Variants in USP8 observed in about 807,000 individuals in gnomAD.
The protein encoded by USP8 is ubiquitin specific peptidase 8, also known as ubiquitin carboxyl-terminal hydrolase 8.
Under a neutral mutation model 130.0 loss-of-function variants are expected in USP8, and 27 were observed. The ratio of observed to expected loss-of-function variants is 0.21; its 90% CI spans 0.15 to 0.29. The LOEUF (loss-of-function observed/expected upper bound fraction) is 0.29, where lower values mean the gene tolerates loss of function less well. USP8 is among the 10% of genes least tolerant of loss of function. USP8 has a pLI of 1.00. For synonymous variants in USP8, 392 were observed against 444.1 expected (o/e 0.88, Z 1.48); for missense variants, 1,029 against 1,312.2 (o/e 0.78, Z 3.33).
rs1045915796 is a variant in USP8 at position 50,506,469 on chromosome 15, G to A, written c.*7381G>A. 6.6e-6 allele frequency: 1 copy of A among 151,968 alleles called. No individual in the cohort carries two copies. The highest frequency in any genetic ancestry group is 6.6e-5 in the Admixed American group (1 of 15,252). The allele number at this position is 151,968 out of a possible 1,614,324, so 9.4% of individuals were successfully genotyped here. A position where few individuals can be genotyped will look rare whatever the true frequency, so the allele number is the denominator to read the frequency against. The stretch of plus-strand genomic sequence containing the variant: ...CATGCCCGCCCCGGCCCCCATCCAT[G>A]GGAAAAAAACCGCATCAGTGGAAAA... On this transcript the variant is annotated 3_prime_UTR_variant, in exon 20 of 20. Coordinates refer to ENST00000307179, the MANE Select transcript of USP8 (RefSeq NM_005154.5).
chr15:50,457,414 TG>T (rs2050825938), intron 4 of USP8, among the ~76,000 whole-genome samples: 1 of 150,598 alleles, frequency 6.6e-6, no homozygotes, highest in Non-Finnish European at 1.5e-5. Flanking sequence ...AAAAATTAGG[TG>T]GGTATGGTGG....
intron 9 of USP8, 96 bp downstream of exon 9, chr15:50,477,089 C>T: frequency 6.7e-7 from 1 of 1,490,970 alleles, no homozygotes. Context: ...TGTATTTGTC[C>T]TATTAGAGAG....
At position 50,505,459 on chromosome 15, in the gene USP8, C is replaced by CA. The variant is rs2052645895; in HGVS notation, c.*6374dup. 6.6e-6 allele frequency: 1 copy of CA among 152,146 alleles called. No homozygotes were observed. The highest frequency in any genetic ancestry group is 6.6e-5 in the Admixed American group (1 of 15,264). 9.4% of individuals were successfully genotyped at this position (152,146 alleles called of 1,614,324 possible). A position where few individuals can be genotyped will look rare whatever the true frequency, so the allele number is the denominator to read the frequency against. On this transcript the variant is annotated 3_prime_UTR_variant, in exon 20 of 20. Transcript: ENST00000307179. ...GAATGAAAGTGAATTAAAGACTTCT[C>CA]AAAGACTGAGAGACTTCAGGATAAC... is the stretch of plus-strand genomic sequence containing the variant.
intron 5 of USP8, among the ~76,000 whole-genome samples, chr15:50,459,492 G>A (rs1322603864): frequency 6.6e-6 from 1 of 152,064 alleles, no homozygotes; most frequent in Non-Finnish European, 1.5e-5. Flanking sequence ...GCTAAAGTAG[G>A]AGAATTGCTT....
intron 1 of USP8, 122 bp downstream of exon 1, chr15:50,424,636 A>C (rs1014820051): frequency 2.5e-6 from 1 of 396,656 alleles, no homozygotes; most frequent in South Asian, 1.4e-4. Flanking sequence ...CGCGGAGAGG[A>C]GTGGGACAAC....
intron 1 of USP8, among the ~76,000 whole-genome samples, chr15:50,424,950 T>C (rs1220679377): frequency 6.6e-6 from 1 of 151,942 alleles, no homozygotes; most frequent in Non-Finnish European, 1.5e-5. Context: ...TTAAAGACCC[T>C]ATAAGCTTGT....
intron 12 of USP8, among the ~76,000 whole-genome samples, chr15:50,486,828 T>C (rs1288182191): frequency 6.6e-6 from 1 of 152,034 alleles, no homozygotes; most frequent in African/African-American, 2.4e-5. Context: ...ATCTCACAAA[T>C]CACCACTAAA....
intron 4 of USP8, among the ~76,000 whole-genome samples, chr15:50,450,452 G>A (rs895964780): frequency 1.9e-4 from 25 of 134,906 alleles, no homozygotes; most frequent in African/African-American, 6.2e-4. Context: ...GTTTTTAGTC[G>A]TTAGTCATTC....
rs193201770 is a variant in USP8 at position 50,503,957 on chromosome 15, A to G, written c.*4869A>G. 1.3e-5 allele frequency: 2 copies of G among 152,350 alleles called. No homozygotes were observed. The highest frequency in any genetic ancestry group is 1.9e-4 in the East Asian group (1 of 5,186). 9.4% of individuals were successfully genotyped at this position (152,350 alleles called of 1,614,324 possible). On this transcript the variant is annotated 3_prime_UTR_variant, in exon 20 of 20. Coordinates refer to ENST00000307179, the MANE Select transcript of USP8 (RefSeq NM_005154.5). ...GGCTACAAATAAAGTATATTTAAAT[A>G]TATTTAGAAGAAGGAAACAAACTTT...
chr15:50,498,562 T>C, intron 18 of USP8, 34 bp from the exon 19 acceptor site: 2 of 1,570,938 alleles, frequency 1.3e-6, no homozygotes, highest in Admixed American at 1.8e-5. Context: ...GGTATCTTCC[T>C]CTGTCAGTGT....
intron 4 of USP8, 137 bp from the exon 5 acceptor site, chr15:50,458,863 G>A (rs1027417738): frequency 3.4e-5 from 34 of 987,784 alleles, no homozygotes; most frequent in Non-Finnish European, 4.8e-5. Flanking sequence ...TGGCAGATGT[G>A]TGAATTGTGG....
At chr15:50,472,336 C>CTGT (rs973256242) in intron 8 of USP8, among the ~76,000 whole-genome samples, 1 of 151,888 alleles carries the variant, frequency 6.6e-6, no homozygotes, top group Non-Finnish European at 1.5e-5. Context: ...TGGCTCAAGC[C>CTGT]TGTAACCCCA....
chr15:50,459,284 A>C (rs896290258), intron 5 of USP8, 122 bp downstream of exon 5: 2 of 1,338,446 alleles, frequency 1.5e-6, no homozygotes, highest in Non-Finnish European at 2.0e-6. Flanking sequence ...TTAATGTTTT[A>C]ATTAGAAATT....
Position 50,495,865 on chromosome 15 carries a change from A to G in USP8, c.2676A>G (p.Arg892=). Residue 892 remains arginine (R), a synonymous_variant, in exon 17 of 20, where the codon AGA becomes AGG. Coordinates refer to ENST00000307179, the MANE Select transcript of USP8 (RefSeq NM_005154.5). Reference sequence around the variant, plus strand: ...ATTTCCAGGCTGATAATCGGAAGAGATATAAAGAAGAAAATAATGATCATC... The same window carrying G: ...ATTTCCAGGCTGATAATCGGAAGAGGTATAAAGAAGAAAATAATGATCATC... ...EDLNKADNRK[R]YKEENNDHLD... 6.2e-7 allele frequency: 1 copy of G among 1,613,286 alleles called. No homozygotes were observed. The highest frequency in any genetic ancestry group is 8.5e-7 in the Non-Finnish European group (1 of 1,179,474).
At chr15:50,439,468 T>C (rs1192863593) in intron 2 of USP8, among the ~76,000 whole-genome samples, 3 of 152,132 alleles carry the variant, frequency 2.0e-5, no homozygotes, top group African/African-American at 7.2e-5. Context: ...CCAGAAGTCA[T>C]TGTCTTTTCA....
At chr15:50,478,527 A>AT (rs1250161325) in intron 10 of USP8, among the ~76,000 whole-genome samples, 2 of 152,150 alleles carry the variant, frequency 1.3e-5, no homozygotes, top group East Asian at 3.8e-4. Context: ...GAAGTGGTTC[A>AT]TTTCTTCATT....
chr15:50,499,002 A>C lies in USP8; in HGVS notation c.3271A>C (p.Ile1091Leu), dbSNP rs2052518817. Residue 1091 changes from isoleucine to leucine, a missense_variant, in exon 20 of 20, where the codon ATC becomes CTC. Physicochemically the swap from Ile to Leu is conservative, Grantham distance 5 (BLOSUM62 2). This residue lies in a region of USP8 where 257 missense variants were observed against 429.8 expected (regional missense o/e 0.60). Coordinates refer to ENST00000307179, the MANE Select transcript of USP8 (RefSeq NM_005154.5). ...GTTTGATGATCATGAAGTTTCTGAT[A>C]TCTCCGTTTCTTCTGTGAAATCTTC... is the stretch of plus-strand genomic sequence containing the variant. ...FKFDDHEVSD[I>L]SVSSVKSSAA... 1 of 1,613,872 alleles carries C rather than the reference A, an allele frequency of 6.2e-7. No individual in the cohort carries two copies. The highest frequency in any genetic ancestry group is 2.2e-5 in the East Asian group (1 of 44,878).
chr15:50,495,492 G>GC (rs199524459), intron 16 of USP8, among the ~76,000 whole-genome samples: 1 of 149,428 alleles, frequency 6.7e-6, no homozygotes, highest in Non-Finnish European at 1.5e-5. Context: ...TTGGAGGGGG[G>GC]GGTCTCACTA....
rs1566900306 is a variant in USP8, at chr15:50,504,174, A to T, written c.*5086A>T. 6.6e-6 allele frequency: 1 copy of T among 152,202 alleles called. No individual in the cohort carries two copies. The highest frequency in any genetic ancestry group is 6.5e-5 in the Admixed American group (1 of 15,274). The allele number at this position is 152,202 out of a possible 1,614,324, so 9.4% of individuals were successfully genotyped here. On this transcript the variant is annotated 3_prime_UTR_variant, in exon 20 of 20. Transcript: ENST00000307179. ...TAGTATTTATATTGTATTAGATATTATAAGTAATCCAGAGATGACTTAAAG... is the reference window on the plus strand; with the variant it reads ...TAGTATTTATATTGTATTAGATATTTTAAGTAATCCAGAGATGACTTAAAG...
Sources: gnomAD v4.1 joint callset for allele counts (sites outside exome capture counted in the v4.1 genomes callset) on GRCh38, gnomAD v4.1.1 for gene constraint, gnomAD v4.1.1 regional missense constraint, MANE v1.5 for transcripts, NCBI Gene and HGNC (gene_info 2026-07-23, HGNC 2026-07-21) for gene names.